MTMR12: variants seen among roughly 807,000 people sequenced by gnomAD.
MTMR12 encodes the protein myotubularin-related protein 12.
Under a neutral mutation model 96.7 loss-of-function variants are expected in MTMR12, and 33 were observed. That is an observed-to-expected ratio of 0.34 (90% CI 0.26 to 0.46). The LOEUF is 0.46. Among genes scored for constraint, MTMR12 ranks in the 20% least tolerant of loss-of-function variants. The probability of loss-of-function intolerance (pLI) is 1.00; values close to 1 mark genes in which losing one functional copy is unlikely to be tolerated. For missense variants in MTMR12, 721 were observed against 896.1 expected (o/e 0.80, Z 2.49); for synonymous variants, 298 against 327.2 (o/e 0.91, Z 0.96).
intron 1 of MTMR12, among the ~76,000 whole-genome samples, chr5:32,299,949 T>C (rs1581646173): frequency 6.6e-6 from 1 of 152,254 alleles, no homozygotes; most frequent in South Asian, 2.1e-4. Context: ...CTACACAGCT[T>C]TTGCATAAGA....
intron 12 of MTMR12, 104 bp downstream of exon 12, chr5:32,241,953 C>G: frequency 7.7e-6 from 7 of 913,254 alleles, no homozygotes; most frequent in Non-Finnish European, 1.2e-5. Context: ...GATTTCTACA[C>G]TAACTCACTC....
intron 1 of MTMR12, among the ~76,000 whole-genome samples, chr5:32,302,345 T>C (rs1751186481): frequency 6.6e-6 from 1 of 152,230 alleles, no homozygotes; most frequent in Admixed American, 6.5e-5. Flanking sequence ...CTTGATTTGA[T>C]TTACTCATAT....
intron 1 of MTMR12, among the ~76,000 whole-genome samples, chr5:32,281,894 C>A (rs542272007): frequency 1.5e-5 from 2 of 135,160 alleles, no homozygotes; most frequent in Non-Finnish European, 3.2e-5. Context: ...TGCGAGACTC[C>A]GTCTCAAAAA....
intron 8 of MTMR12, among the ~76,000 whole-genome samples, chr5:32,252,568 T>C (rs77935722): frequency 0.031 from 4,762 of 152,312 alleles, 253 homozygotes; most frequent in African/African-American, 0.11. Context: ...TTTTTGATCT[T>C]AGACCCCTTC....
intron 13 of MTMR12, among the ~76,000 whole-genome samples, chr5:32,235,514 A>G (rs1240038539): frequency 6.6e-6 from 1 of 152,188 alleles, no homozygotes; most frequent in Non-Finnish European, 1.5e-5. Context: ...CAAACAATGT[A>G]CTTAATTATG....
rs113045734 is a variant in MTMR12, at chr5:32,303,416, C to G, written c.81+9342G>C. ...CATCTCTCCCAGCACTGTACTCCCC[C>G]CCAGAATCCCTCTCTATTTCCACCT... is the stretch of plus-strand genomic sequence containing the variant. On this transcript the variant is annotated intron_variant, in intron 1 of 15. Coordinates refer to ENST00000382142, the MANE Select transcript of MTMR12 (RefSeq NM_001040446.3). Among the ~76,000 whole-genome samples the G allele has an allele frequency of 4.2e-3, 635 of 152,252 alleles. 3 individuals are homozygous for G. The highest frequency in any genetic ancestry group is 0.014 in the African/African-American group (602 of 41,550).
At chr5:32,308,122 G>C (rs1043623638) in intron 1 of MTMR12, among the ~76,000 whole-genome samples, 1 of 152,188 alleles carries the variant, frequency 6.6e-6, no homozygotes, top group Admixed American at 6.5e-5. Context: ...AGGAGTTCGA[G>C]ACCAGCCTGG....
chr5:32,244,423 C>A (rs1418581169), intron 10 of MTMR12, among the ~76,000 whole-genome samples: 2 of 152,048 alleles, frequency 1.3e-5, no homozygotes, highest in Non-Finnish European at 2.9e-5. Context: ...AACCCCGTCT[C>A]TACTAAAATA....
chr5:32,272,434 C>A (rs1162049775), intron 3 of MTMR12, among the ~76,000 whole-genome samples: 1 of 152,090 alleles, frequency 6.6e-6, no homozygotes, highest in East Asian at 1.9e-4. Context: ...GGCTGGAGTG[C>A]AGTGGGGCAA....
chr5:32,247,558 A>G (rs1443610295), intron 10 of MTMR12: 1 of 218,316 alleles, frequency 4.6e-6, no homozygotes, highest in Admixed American at 6.5e-5. Flanking sequence ...AGAACTTTTA[A>G]TATTGTTAGA....
chr5:32,237,997 C>A (rs992744854), intron 13 of MTMR12, among the ~76,000 whole-genome samples: 3 of 151,260 alleles, frequency 2.0e-5, no homozygotes, highest in Middle Eastern at 3.2e-3. Flanking sequence ...ACAAAAAATT[C>A]GCCAGGCATG....
intron 1 of MTMR12, among the ~76,000 whole-genome samples, chr5:32,299,266 A>C (rs1438608165): frequency 6.6e-6 from 1 of 152,198 alleles, no homozygotes; most frequent in East Asian, 1.9e-4. Context: ...ACAGATCAGA[A>C]AACTGAGGCT....
intron 5 of MTMR12, among the ~76,000 whole-genome samples, 176 bp from the exon 6 acceptor site, chr5:32,268,970 C>T (rs541345002): frequency 3.4e-4 from 51 of 152,034 alleles, no homozygotes; most frequent in Non-Finnish European, 6.5e-4. Flanking sequence ...AATGGCAAAT[C>T]AACAGGATGC....
intron 1 of MTMR12, among the ~76,000 whole-genome samples, chr5:32,304,791 T>C (rs896526410): frequency 6.6e-6 from 1 of 152,216 alleles, no homozygotes; most frequent in African/African-American, 2.4e-5. Flanking sequence ...GAAGTGCTGC[T>C]TGACAGAGCC....
intron 3 of MTMR12, among the ~76,000 whole-genome samples, chr5:32,272,646 T>G (rs970277968): frequency 6.6e-6 from 1 of 152,176 alleles, no homozygotes; most frequent in Non-Finnish European, 1.5e-5. Context: ...CCCAAAGTGC[T>G]GAGATTACAG....
intron 5 of MTMR12, 133 bp from the exon 6 acceptor site, chr5:32,268,927 A>C (rs1749719073): frequency 1.6e-6 from 1 of 636,444 alleles, no homozygotes; most frequent in Non-Finnish European, 2.8e-6. Flanking sequence ...TTCTCATTTG[A>C]GATCTGTATC....
chr5:32,247,611 A>T (rs990368367), intron 10 of MTMR12: 1 of 485,160 alleles, frequency 2.1e-6, no homozygotes, highest in African/African-American at 2.1e-5. Context: ...AAGTATTTCC[A>T]CTTTGGGAAA....
chr5:32,275,447 A>C (rs1581624430), intron 2 of MTMR12, among the ~76,000 whole-genome samples: 2 of 152,334 alleles, frequency 1.3e-5, no homozygotes, highest in Middle Eastern at 3.4e-3. Flanking sequence ...TCTCCCCAAG[A>C]CCAGGCCAGC....
chr5:32,266,131 C>A (rs1346992431), intron 6 of MTMR12, among the ~76,000 whole-genome samples: 1 of 152,176 alleles, frequency 6.6e-6, no homozygotes, highest in East Asian at 1.9e-4. Context: ...CGATAGTCCA[C>A]CCTCCCCCAG....
Sources: gnomAD v4.1 joint callset for allele counts (sites outside exome capture counted in the v4.1 genomes callset) on GRCh38, gnomAD v4.1.1 for gene constraint, MANE v1.5 for transcripts, NCBI Gene and HGNC (gene_info 2026-07-23, HGNC 2026-07-21) for gene names.